Variants in RASAL1 observed in about 807,000 individuals in gnomAD.
The protein encoded by RASAL1 is rasGAP-activating-like protein 1.
A neutral mutation model predicts 96.6 loss-of-function variants in RASAL1; 72 were observed. That is an observed-to-expected ratio of 0.75 (90% CI 0.62 to 0.91). The LOEUF is 0.91. Ranked by LOEUF, RASAL1 falls within the 40% of genes least tolerant of loss-of-function variation. The pLI is 0.00. For missense variants in RASAL1, 1,016 were observed against 1,072.5 expected (o/e 0.95, Z 0.74); for synonymous variants, 405 against 430.4 (o/e 0.94, Z 0.73).
intron 13 of RASAL1, among the ~76,000 whole-genome samples, chr12:113,110,688 G>A (rs528283415): frequency 6.9e-4 from 105 of 152,336 alleles, no homozygotes; most frequent in Admixed American, 2.5e-3. Context: ...GGGAGGCTGA[G>A]GCAAGGGGAC....
rs147692878 is a variant in RASAL1, at chr12:113,108,198, C to T, written c.1399G>A (p.Gly467Arg). 5 of 1,612,680 alleles carry T rather than the reference C, an allele frequency of 3.1e-6. No individual in the cohort carries two copies. In the African/African-American group the frequency reaches 5.3e-5, roughly 17 times the overall value. ...GCGAAGAATCGCAAGAAGAGAAATC[C>T]ACTGATGGCCAGGTACTTCACATCC... ...HQDVKYLAISGFLFLRFFAPA... is the reference protein window; with the variant it reads ...HQDVKYLAISRFLFLRFFAPA... Residue 467 changes from glycine to arginine, a missense_variant, in exon 14 of 21, where the codon GGA becomes AGA. By Grantham distance (125) the Gly-to-Arg change is moderately radical. Transcript: ENST00000548055.
At chr12:113,133,111 C>T (rs73208703) in intron 1 of RASAL1, among the ~76,000 whole-genome samples, 7,539 of 152,304 alleles carry the variant, frequency 0.049, 251 homozygotes, top group Middle Eastern at 0.082. Flanking sequence ...GACACACCCC[C>T]TCCTGCAGAC....
chr12:113,114,925 G>C lies in RASAL1; in HGVS notation c.1069-13C>G. On this transcript the variant is annotated splice_polypyrimidine_tract_variant and intron_variant, in intron 11 of 20. Coordinates refer to ENST00000548055, the MANE Select transcript of RASAL1 (RefSeq NM_001301202.2). ...GCATGCCCACGAGCTGGGGGCAGGGGGCACCACACGGGGTGGGGCTGAGGG... is the reference window on the plus strand; with the variant it reads ...GCATGCCCACGAGCTGGGGGCAGGGCGCACCACACGGGGTGGGGCTGAGGG... 6.2e-7 allele frequency: 1 copy of C among 1,601,330 alleles called. No homozygotes were observed. The highest frequency in any genetic ancestry group is 1.1e-5 in the South Asian group (1 of 90,768).
At chr12:113,134,819 C>T (rs530427063) in intron 1 of RASAL1, among the ~76,000 whole-genome samples, 10 of 152,206 alleles carry the variant, frequency 6.6e-5, no homozygotes, top group Admixed American at 4.6e-4. Context: ...GCTCAGCACC[C>T]GGGGAAGGCC....
chr12:113,104,372 T>C, intron 16 of RASAL1, 74 bp from the exon 17 acceptor site: 1 of 1,430,532 alleles, frequency 7.0e-7, no homozygotes, highest in Non-Finnish European at 9.5e-7. Flanking sequence ...CGTCTGGTTG[T>C]GTGCAGCAGG....
intron 19 of RASAL1, 43 bp from the exon 20 acceptor site, chr12:113,100,723 C>T (rs1387516233): frequency 6.4e-7 from 1 of 1,550,454 alleles, no homozygotes; most frequent in Admixed American, 1.7e-5. Context: ...TCCCTGATTC[C>T]CATTCCTGCT....
At chr12:113,112,954 A>AAAATAAATAAAT (rs3038168) in intron 12 of RASAL1, among the ~76,000 whole-genome samples, 2,814 of 149,580 alleles carry the variant, frequency 0.019, 48 homozygotes, top group African/African-American at 0.036. Context: ...TCCATCTCAA[A>AAAATAAATAAAT]AAATAAATAA....
chr12:113,124,431 T>G (rs571296845), intron 4 of RASAL1, among the ~76,000 whole-genome samples: 1 of 152,322 alleles, frequency 6.6e-6, no homozygotes, highest in African/African-American at 2.4e-5. Context: ...ACACGTTCCT[T>G]CTTTTCTTGC....
Position 113,104,328 on chromosome 12 carries a change from G to A in RASAL1, c.1831-30C>T, listed in dbSNP as rs767213525. On this transcript the variant is annotated intron_variant, in intron 16 of 20. Coordinates refer to ENST00000548055, the MANE Select transcript of RASAL1 (RefSeq NM_001301202.2). ...GGAAGAGGATTGTCGCTGCAGGATG[G>A]GCTGGGGGCTAGGGCCGGGGTGGGG... is the stretch of plus-strand genomic sequence containing the variant. 8 of 1,538,974 alleles carry A rather than the reference G, an allele frequency of 5.2e-6. No homozygotes were observed. In the East Asian group the frequency reaches 1.2e-4, roughly 24 times the overall value.
intron 16 of RASAL1, 40 bp downstream of exon 16, chr12:113,105,674 C>T (rs1950617959): frequency 1.3e-6 from 2 of 1,533,792 alleles, no homozygotes; most frequent in African/African-American, 1.4e-5. Context: ...CTGAAAAAGG[C>T]CACCCCTGGA....
Position 113,101,999 on chromosome 12 carries a change from G to A in RASAL1, c.2115C>T (p.Cys705=), listed in dbSNP as rs759835132. 5.6e-6 allele frequency: 9 copies of A among 1,613,396 alleles called. No individual in the cohort carries two copies. The highest frequency in any genetic ancestry group is 3.3e-5 in the Admixed American group (2 of 59,880). ...CLQAERSAAG[C]SRTHSAVTLG... ...GGGTGACAGCTGAGTGTGTACGGCT[G>A]CAGCCGGCGGCTGAGGGAACACAGC... Residue 705 remains cysteine (C), a synonymous_variant, in exon 19 of 21, where the codon TGC becomes TGT. Coordinates refer to ENST00000548055, the MANE Select transcript of RASAL1 (RefSeq NM_001301202.2).
At position 113,115,723 on chromosome 12, in the gene RASAL1, A is replaced by G. The variant is rs148239033; in HGVS notation, c.915T>C (p.Leu305=). The G allele has an allele frequency of 2.4e-5, 38 of 1,614,144 alleles. No homozygotes were observed. The Admixed American group carries it at 2.8e-4, about 12-fold the overall frequency. Residue 305 remains leucine (L), a synonymous_variant, in exon 10 of 21, where the codon CTT becomes CTC. Coordinates refer to ENST00000548055, the MANE Select transcript of RASAL1 (RefSeq NM_001301202.2). The surrounding 1 kb of genome is among the most constrained non-coding windows in gnomAD (Gnocchi z 4.1). ...GAAAGAGTTTCACCAGCTTGGTGGC[A>G]AGGTCCTGGCGGCAGTCCCCCAAGG... ...ELTLGDCRQD[L]ATKLVKLFLG...
intron 18 of RASAL1, chr12:113,103,701 T>C: frequency 1.7e-6 from 1 of 590,752 alleles, no homozygotes; most frequent in Non-Finnish European, 3.0e-6. Context: ...TAGTGAGTAC[T>C]TTAGAAATAA....
intron 13 of RASAL1, among the ~76,000 whole-genome samples, chr12:113,111,266 CCTCT>C (rs904372102): frequency 2.4e-4 from 36 of 151,542 alleles, no homozygotes; most frequent in Admixed American, 7.2e-4. Context: ...TCTCTTACTT[CCTCT>C]CTCTCTCTCT....
rs1033300244 is a variant in RASAL1 at position 113,130,320 on chromosome 12, G to GGTGT, written c.122+561_122+564dup. On this transcript the variant is annotated intron_variant, in intron 2 of 20. Transcript: ENST00000548055. This position sits in a 1 kb window ranked among gnomAD's most constrained non-coding sequence, Gnocchi z 5.1. ...CTTTGTGACCAAATCAGCTGGCATT[G>GGTGT]GTGTTCACATGCATGTGCAGGGCAG... Among the ~76,000 whole-genome samples, 4 of 152,192 alleles carry GGTGT rather than the reference G, an allele frequency of 2.6e-5. No individual in the cohort carries two copies. The highest frequency in any genetic ancestry group is 4.4e-5 in the Non-Finnish European group (3 of 68,026).
chr12:113,129,852 C>G lies in RASAL1; in HGVS notation c.122+1033G>C, dbSNP rs541840976. On this transcript the variant is annotated intron_variant, in intron 2 of 20. Coordinates refer to ENST00000548055, the MANE Select transcript of RASAL1 (RefSeq NM_001301202.2). The surrounding 1 kb of genome is among the most constrained non-coding windows in gnomAD (Gnocchi z 5.0). The stretch of plus-strand genomic sequence containing the variant: ...TTTTCCCAGCCAAAGGTCTTCTGAA[C>G]ATTCCCCAGCTCCTGAGCTGAAAGG... Among the ~76,000 whole-genome samples the G allele has an allele frequency of 2.1e-4, 32 of 152,354 alleles. No homozygotes were observed. In the South Asian group the frequency reaches 3.7e-3, roughly 18 times the overall value.
chr12:113,135,468 CT>C lies in RASAL1; in HGVS notation c.-7del, dbSNP rs1479529848. Reference sequence around the variant, plus strand: ...AGGGAGCTGCTCTTGGCCATGGCGCCTAGCCACAAACTTTCCAGGCAGAAGG... The same window carrying C: ...AGGGAGCTGCTCTTGGCCATGGCGCCAGCCACAAACTTTCCAGGCAGAAGG... On this transcript the variant is annotated 5_prime_UTR_variant, in exon 1 of 21. Transcript: ENST00000548055. This position sits in a 1 kb window ranked among gnomAD's most constrained non-coding sequence, Gnocchi z 5.7. 23 of 1,602,730 alleles carry C rather than the reference CT, an allele frequency of 1.4e-5. No homozygotes were observed. The highest frequency in any genetic ancestry group is 1.9e-5 in the Non-Finnish European group (22 of 1,175,812).
chr12:113,100,146 A>T, intron 20 of RASAL1, 78 bp from the exon 21 acceptor site: 1 of 1,417,082 alleles, frequency 7.1e-7, no homozygotes, highest in Non-Finnish European at 9.4e-7. Context: ...ATGGTTTCTC[A>T]TGCTGAAGAT....
At position 113,115,791 on chromosome 12, in the gene RASAL1, G is replaced by A; in HGVS notation, c.850-3C>T. 6.2e-7 allele frequency: 1 copy of A among 1,613,978 alleles called. No individual in the cohort carries two copies. ...GCCAAGGGGCTAGCAGTGTCCTCCT[G>A]GGTGGGGGCGGGAGACAAAGATGAC... On this transcript the variant is annotated splice_polypyrimidine_tract_variant and splice_region_variant and intron_variant, in intron 9 of 20. Coordinates refer to ENST00000548055, the MANE Select transcript of RASAL1 (RefSeq NM_001301202.2). This position sits in a 1 kb window ranked among gnomAD's most constrained non-coding sequence, Gnocchi z 4.1.
Sources: gnomAD v4.1 joint callset for allele counts (sites outside exome capture counted in the v4.1 genomes callset) on GRCh38, gnomAD v4.1.1 for gene constraint, Gnocchi (gnomAD v3.1) non-coding constraint, MANE v1.5 for transcripts, NCBI Gene and HGNC (gene_info 2026-07-23, HGNC 2026-07-21) for gene names.